Variants in TAF4 observed in about 807,000 individuals in gnomAD.
TAF4 encodes the protein TATA-box binding protein associated factor 4, also known as transcription initiation factor TFIID subunit 4.
Under a neutral mutation model 90.3 loss-of-function variants are expected in TAF4, and 9 were observed. That is an observed-to-expected ratio of 0.10 (90% CI 0.06 to 0.17). TAF4 has a LOEUF of 0.17. Among genes scored for constraint, TAF4 ranks in the 10% least tolerant of loss-of-function variants. The pLI is 1.00. For missense variants in TAF4, 1,351 were observed against 1,370.7 expected, an observed-to-expected ratio of 0.99 and a Z score of 0.23; for synonymous variants, 818 against 638.9, an observed-to-expected ratio of 1.28 and a Z score of -4.23.
At chr20:62,018,741 TCCAC>T in intron 1 of TAF4, among the ~76,000 whole-genome samples, 1 of 152,304 alleles carries the variant, frequency 6.6e-6, no homozygotes, top group East Asian at 1.9e-4. Flanking sequence ...CACAACCGGC[TCCAC>T]GCACCCAGCC....
chr20:62,001,726 G>A (rs28382099), intron 9 of TAF4, among the ~76,000 whole-genome samples: 4,485 of 152,220 alleles, frequency 0.029, 166 homozygotes, highest in African/African-American at 0.088. Flanking sequence ...GAAGGACCCG[G>A]CCATGGGAGG....
intron 14 of TAF4, among the ~76,000 whole-genome samples, chr20:61,977,618 G>A (rs558786652): frequency 6.6e-6 from 1 of 152,288 alleles, no homozygotes; most frequent in Non-Finnish European, 1.5e-5. Context: ...ATTCCTGTGA[G>A]ATTCAAACAG....
Position 62,065,340 on chromosome 20 carries a change from G to C in TAF4, c.471C>G (p.Pro157=). The change falls in exon 1 of 15, where the codon CCC becomes CCG. Residue 157 remains proline (P), a synonymous_variant. Transcript: ENST00000252996. ...AAGPEPAPAG[P]AKPAGPAALA... is the part of the protein sequence containing the mutation. ...GCGCGGCGGGGCCGGCGGGCTTGGC[G>C]GGGCCGGCGGGGGCGGGCTCGGGCC... 2.1e-6 allele frequency: 2 copies of C among 961,900 alleles called. No individual in the cohort carries two copies. Among genetic ancestry groups the C allele is most frequent in the Non-Finnish European group, 1.2e-6 (1 of 814,446 alleles). 59.6% of individuals were successfully genotyped at this position (961,900 alleles called of 1,614,324 possible). A position where few individuals can be genotyped will look rare whatever the true frequency, so the allele number is the denominator to read the frequency against.
chr20:61,996,756 G>A (rs551148357), intron 14 of TAF4, among the ~76,000 whole-genome samples: 61 of 146,712 alleles, frequency 4.2e-4, no homozygotes, highest in African/African-American at 1.5e-3. Context: ...CCAACATCAC[G>A]CCACTGCGCT....
intron 14 of TAF4, among the ~76,000 whole-genome samples, chr20:61,985,468 G>A (rs531754957): frequency 6.6e-6 from 1 of 152,002 alleles, no homozygotes; most frequent in South Asian, 2.1e-4. Context: ...GGATAAACAA[G>A]AACAATACTC....
intron 1 of TAF4, among the ~76,000 whole-genome samples, chr20:62,056,649 A>G (rs976732926): frequency 1.3e-5 from 2 of 152,210 alleles, no homozygotes; most frequent in African/African-American, 4.8e-5. Flanking sequence ...CTTGGGTCAC[A>G]GGAGAACTGT....
chr20:62,026,558 C>G (rs946360421), intron 1 of TAF4, among the ~76,000 whole-genome samples: 3 of 152,228 alleles, frequency 2.0e-5, no homozygotes, highest in Non-Finnish European at 4.4e-5. Context: ...AGTACCAGCT[C>G]TGTGGGAGCT....
intron 1 of TAF4, among the ~76,000 whole-genome samples, chr20:62,061,109 T>C (rs1225368580): frequency 6.6e-6 from 1 of 152,188 alleles, no homozygotes; most frequent in Non-Finnish European, 1.5e-5. Context: ...AAATCTAAAC[T>C]TTTAGGAATG....
chr20:62,035,456 G>A (rs1400575875), intron 1 of TAF4, among the ~76,000 whole-genome samples: 1 of 152,152 alleles, frequency 6.6e-6, no homozygotes, highest in East Asian at 1.9e-4. Context: ...AGACCACAGA[G>A]GTGAGGAAGG....
chr20:62,024,787 G>A (rs938187069), intron 1 of TAF4, among the ~76,000 whole-genome samples: 19 of 151,858 alleles, frequency 1.3e-4, no homozygotes, highest in African/African-American at 4.6e-4. Context: ...CGAAAATCGC[G>A]TGAACCCAGG....
chr20:62,029,862 C>T (rs1404660099), intron 1 of TAF4, among the ~76,000 whole-genome samples: 9 of 152,094 alleles, frequency 5.9e-5, no homozygotes, highest in Non-Finnish European at 4.4e-5. Flanking sequence ...GCCGAGATCG[C>T]GCCACTGCAC....
intron 1 of TAF4, among the ~76,000 whole-genome samples, chr20:62,031,794 A>AC (rs1321962023): frequency 2.6e-5 from 4 of 152,012 alleles, no homozygotes; most frequent in Non-Finnish European, 5.9e-5. Context: ...TCCCACCAAA[A>AC]CCCCAGGGAG....
At chr20:62,042,743 C>T (rs1313871772) in intron 1 of TAF4, among the ~76,000 whole-genome samples, 1 of 152,258 alleles carries the variant, frequency 6.6e-6, no homozygotes, top group Non-Finnish European at 1.5e-5. Flanking sequence ...CTACATTCTA[C>T]TTCCCATCAC....
At position 61,998,980 on chromosome 20, in the gene TAF4, C is replaced by T. The variant is rs372125639; in HGVS notation, c.2913+3G>A. 1.1e-5 allele frequency: 18 copies of T among 1,612,972 alleles called. No homozygotes were observed. Among genetic ancestry groups the T allele is most frequent in the African/African-American group, 1.1e-4 (8 of 74,920 alleles). ...ACGGCAGCAGCAGACACCCAGCACT[C>T]GCCTTTGCTGCCCTCATCAGGATCT... On this transcript the variant is annotated splice_donor_region_variant and intron_variant, in intron 12 of 14. Coordinates refer to ENST00000252996, the MANE Select transcript of TAF4 (RefSeq NM_003185.4).
Position 62,065,258 on chromosome 20 carries a change from CAGGGCCG to C in TAF4, c.546_552del (p.Gly183AlafsTer14). 3 of 906,274 alleles carry C rather than the reference CAGGGCCG, an allele frequency of 3.3e-6. No homozygotes were observed. The highest frequency in any genetic ancestry group is 1.3e-4 in the East Asian group (1 of 7,572). The allele number at this position is 906,274 out of a possible 1,614,324, so 56.1% of individuals were successfully genotyped here. A position where few individuals can be genotyped will look rare whatever the true frequency, so the allele number is the denominator to read the frequency against. On this transcript the variant is annotated frameshift_variant, in exon 1 of 15. Coordinates refer to ENST00000252996, the MANE Select transcript of TAF4 (RefSeq NM_003185.4). LOFTEE classifies it high-confidence loss of function. ...CCGGGGCCGGCGGGCTTGCCAGGGCCAGGGCCGGGGCCGGGGCCGGGGCCGGGCCCGG... is the reference window on the plus strand; with the variant it reads ...CCGGGGCCGGCGGGCTTGCCAGGGCCGGGCCGGGGCCGGGGCCGGGCCCGG...
intron 1 of TAF4, among the ~76,000 whole-genome samples, chr20:62,040,087 T>TG (rs1252696505): frequency 2.6e-5 from 4 of 152,228 alleles, no homozygotes; most frequent in African/African-American, 4.8e-5. Context: ...GAAATTAATA[T>TG]TCATTTGCCA....
intron 1 of TAF4, among the ~76,000 whole-genome samples, chr20:62,035,202 C>T (rs2055925839): frequency 1.3e-5 from 2 of 152,128 alleles, no homozygotes; most frequent in Non-Finnish European, 2.9e-5. Context: ...TTATGGGCCC[C>T]GAAGAGTTGA....
In TAF4 at chr20:62,048,417, A is replaced by C. The variant is rs1330521983; in HGVS notation, c.1360+16034T>G. Among the ~76,000 whole-genome samples, 3 of 152,236 alleles carry C rather than the reference A, an allele frequency of 2.0e-5. No homozygotes were observed. The East Asian group carries it at 5.8e-4, about 30-fold the overall frequency. ...AGGGCCACCTGCAAGGCCTGGCTGG[A>C]ATCTCCCTGACTCCAGCTGGCCAGC... On this transcript the variant is annotated intron_variant, in intron 1 of 14. Transcript: ENST00000252996.
chr20:62,043,371 C>T (rs1240034805), intron 1 of TAF4, among the ~76,000 whole-genome samples: 1 of 152,112 alleles, frequency 6.6e-6, no homozygotes, highest in Non-Finnish European at 1.5e-5. Flanking sequence ...GTGTTTTAAG[C>T]TAAGTGTTAC....
Sources: allele counts gnomAD v4.1 joint callset (sites outside exome capture counted in the v4.1 genomes callset), GRCh38; gene constraint gnomAD v4.1.1; transcripts MANE v1.5; gene names NCBI Gene and HGNC (gene_info 2026-07-23, HGNC 2026-07-21).